PACRG: variants seen among roughly 807,000 people sequenced by gnomAD.
PACRG encodes parkin coregulated gene protein.
A neutral mutation model predicts 29.7 loss-of-function variants in PACRG; 29 were observed. The ratio of observed to expected loss-of-function variants is 0.98; its 90% CI spans 0.73 to 1.33. PACRG has a LOEUF of 1.33. PACRG is among the 40% of genes most tolerant of loss of function. The pLI, the probability that PACRG is intolerant of heterozygous loss-of-function variation, is 0.00. For missense variants in PACRG, 279 were observed against 316.2 expected (o/e 0.88, Z 0.89); for synonymous variants, 116 against 118.7 (o/e 0.98, Z 0.15).
chr6:163,302,307 C>T (rs1585413471), intron 4 of PACRG, among the ~76,000 whole-genome samples: 1 of 150,640 alleles, frequency 6.6e-6, no homozygotes, highest in African/African-American at 2.5e-5. Flanking sequence ...GCTTTAAAGC[C>T]TTAAACATTT....
intron 4 of PACRG, among the ~76,000 whole-genome samples, chr6:163,269,264 T>TG (rs954125010): frequency 1.8e-4 from 27 of 152,328 alleles, no homozygotes; most frequent in African/African-American, 5.8e-4. Context: ...ACAGTCTCAG[T>TG]GGGGTAGGCC....
At chr6:162,871,098 G>T (rs1178528105) in intron 2 of PACRG, among the ~76,000 whole-genome samples, 1 of 152,206 alleles carries the variant, frequency 6.6e-6, no homozygotes, top group Non-Finnish European at 1.5e-5. Context: ...ACGAGGTGAT[G>T]TGGGGGTGGT....
chr6:162,971,127 G>T (rs889464850), intron 2 of PACRG, among the ~76,000 whole-genome samples: 3 of 152,204 alleles, frequency 2.0e-5, no homozygotes, highest in Non-Finnish European at 2.9e-5. Context: ...AGCATTCTGG[G>T]TGAAGGCTTT....
chr6:163,092,113 CA>C (rs1038214524), intron 4 of PACRG, among the ~76,000 whole-genome samples: 6 of 152,068 alleles, frequency 3.9e-5, no homozygotes, highest in Non-Finnish European at 8.8e-5. Context: ...ATACAAATGA[CA>C]AAAAAGAATG....
intron 1 of PACRG, among the ~76,000 whole-genome samples, chr6:162,792,944 G>A (rs1785076290): frequency 6.6e-6 from 1 of 152,170 alleles, no homozygotes; most frequent in Non-Finnish European, 1.5e-5. Context: ...TGGTGAGTTT[G>A]GTCTGGAGAG....
chr6:162,787,815 T>C (rs1784627070), intron 1 of PACRG, among the ~76,000 whole-genome samples: 1 of 133,116 alleles, frequency 7.5e-6, no homozygotes, highest in Non-Finnish European at 1.7e-5. Context: ...TAAGAATGCC[T>C]GTCCTCTAAT....
intron 1 of PACRG, among the ~76,000 whole-genome samples, chr6:162,740,321 T>C (rs1301435699): frequency 8.6e-5 from 13 of 152,008 alleles, no homozygotes; most frequent in Admixed American, 8.5e-4. Context: ...ATCATCTTTT[T>C]TTTTTTTGAG....
intron 2 of PACRG, among the ~76,000 whole-genome samples, chr6:162,914,506 TTG>T (rs373182853): frequency 0.095 from 9,062 of 95,860 alleles, 481 homozygotes; most frequent in East Asian, 0.23. Context: ...TTGTACTTTT[TTG>T]TTTTTTTTTT....
intron 2 of PACRG, among the ~76,000 whole-genome samples, chr6:162,852,343 G>A (rs1355403784): frequency 6.6e-6 from 1 of 152,166 alleles, no homozygotes; most frequent in Non-Finnish European, 1.5e-5. Context: ...CTCCCAGAAG[G>A]AACTGGCACC....
At chr6:163,100,349 C>G (rs1038088289) in intron 4 of PACRG, among the ~76,000 whole-genome samples, 1 of 152,200 alleles carries the variant, frequency 6.6e-6, no homozygotes, top group Non-Finnish European at 1.5e-5. Flanking sequence ...CGGCGTGCTG[C>G]CCGGACTCCA....
intron 1 of PACRG, among the ~76,000 whole-genome samples, chr6:162,747,964 A>C (rs1337449124): frequency 6.6e-6 from 1 of 152,176 alleles, no homozygotes; most frequent in Non-Finnish European, 1.5e-5. Context: ...TAAGTGGGCT[A>C]AAAAATGATT....
chr6:163,118,466 AT>A (rs1393119367), intron 4 of PACRG, among the ~76,000 whole-genome samples: 2 of 152,180 alleles, frequency 1.3e-5, no homozygotes, highest in African/African-American at 4.8e-5. Context: ...ACAAAAAAAT[AT>A]TTTTTAAGCA....
intron 4 of PACRG, among the ~76,000 whole-genome samples, chr6:163,206,077 T>C (rs999325174): frequency 6.6e-6 from 1 of 152,194 alleles, no homozygotes; most frequent in African/African-American, 2.4e-5. Context: ...CTGACAAGGT[T>C]GCAGAGAAAA....
At position 162,908,894 on chromosome 6, in the gene PACRG, T is replaced by C. The variant is rs77161682; in HGVS notation, c.291+94613T>C. On this transcript the variant is annotated intron_variant, in intron 2 of 4. Coordinates refer to ENST00000366888, the MANE Select transcript of PACRG (RefSeq NM_001080379.2). ...ATGGAAGCTGGGTGGGCATATCAAA[T>C]TATTGGACTGTCATTCCATGTCTCT... Among the ~76,000 whole-genome samples the C allele has an allele frequency of 1.6e-3, 242 of 152,168 alleles. 2 individuals are homozygous for C. In the East Asian group the frequency reaches 0.018, roughly 11 times the overall value.
At chr6:163,024,781 A>G (rs1562842370) in intron 2 of PACRG, among the ~76,000 whole-genome samples, 1 of 152,078 alleles carries the variant, frequency 6.6e-6, no homozygotes, top group Non-Finnish European at 1.5e-5. Context: ...CCTCAAGAAA[A>G]CATCAGACAA....
At chr6:163,118,995 G>T (rs1387116268) in intron 4 of PACRG, among the ~76,000 whole-genome samples, 1 of 152,182 alleles carries the variant, frequency 6.6e-6, no homozygotes, top group Non-Finnish European at 1.5e-5. Context: ...GAAAGTCCAG[G>T]TCTAGGTCAC....
At chr6:163,061,138 T>C (rs1811065356) in intron 2 of PACRG, among the ~76,000 whole-genome samples, 1 of 152,090 alleles carries the variant, frequency 6.6e-6, no homozygotes, top group African/African-American at 2.4e-5. Flanking sequence ...TCATAAGGAT[T>C]TGAAAACCAA....
At chr6:163,233,154 A>G (rs62430003) in intron 4 of PACRG, among the ~76,000 whole-genome samples, 36,124 of 152,260 alleles carry the variant, frequency 0.24, 5,123 homozygotes, top group Middle Eastern at 0.36. Context: ...TCCATCTTCA[A>G]TTCACAATGG....
chr6:163,146,143 CT>C (rs1212167475), intron 4 of PACRG, among the ~76,000 whole-genome samples: 2 of 152,148 alleles, frequency 1.3e-5, no homozygotes, highest in Non-Finnish European at 2.9e-5. Context: ...CGTTCTCCCT[CT>C]TCTTCTTTCT....
Sources: allele counts gnomAD v4.1 joint callset (sites outside exome capture counted in the v4.1 genomes callset), GRCh38; gene constraint gnomAD v4.1.1; transcripts MANE v1.5; gene names NCBI Gene and HGNC (gene_info 2026-07-23, HGNC 2026-07-21).